The following PDE7A variants were observed in gnomAD, a reference collection of about 807,000 sequenced individuals.
PDE7A encodes the protein phosphodiesterase 7A, also known as high affinity 3',5'-cyclic-AMP phosphodiesterase 7A.
PDE7A carries 39 observed loss-of-function variants against 64.3 expected under a neutral mutation model. The ratio of observed to expected loss-of-function variants is 0.61; its 90% CI spans 0.47 to 0.79. The LOEUF (loss-of-function observed/expected upper bound fraction) is 0.79, where lower values mean the gene tolerates loss of function less well. Ranked by LOEUF, PDE7A falls within the 30% of genes least tolerant of loss-of-function variation. PDE7A has a pLI of 0.00. For synonymous variants in PDE7A, 203 were observed against 206.8 expected, an observed-to-expected ratio of 0.98 and a Z score of 0.16; for missense variants, 470 against 582.8, an observed-to-expected ratio of 0.81 and a Z score of 1.99.
rs573961941 is a variant in PDE7A, at chr8:65,724,356, C to A, written c.1066-5G>T. The A allele has an allele frequency of 1.3e-6, 2 of 1,597,880 alleles. No homozygotes were observed. The highest frequency in any genetic ancestry group is 1.7e-6 in the Non-Finnish European group (2 of 1,166,172). On this transcript the variant is annotated splice_polypyrimidine_tract_variant and splice_region_variant and intron_variant, in intron 10 of 12. Transcript: ENST00000401827. ...ATCAGCACATTTCAAAGCCATCTAG[C>A]AAACAAAACATTAATATTGTTTTAA...
At chr8:65,821,515 A>G (rs917801807) in intron 1 of PDE7A, among the ~76,000 whole-genome samples, 9 of 152,190 alleles carry the variant, frequency 5.9e-5, no homozygotes, top group African/African-American at 2.2e-4. Flanking sequence ...ATATTCCCCA[A>G]CGATTAAACT....
At chr8:65,822,877 T>C (rs1810576394) in intron 1 of PDE7A, among the ~76,000 whole-genome samples, 1 of 152,162 alleles carries the variant, frequency 6.6e-6, no homozygotes. Context: ...CATAGTAATT[T>C]AACAGATTAT....
intron 1 of PDE7A, among the ~76,000 whole-genome samples, chr8:65,825,676 A>T (rs1210173754): frequency 6.6e-6 from 1 of 152,246 alleles, no homozygotes; most frequent in African/African-American, 2.4e-5. Context: ...TTTGGGATTC[A>T]TCCAAAGGAA....
chr8:65,764,200 G>A (rs1358286857), intron 3 of PDE7A, among the ~76,000 whole-genome samples: 1 of 151,910 alleles, frequency 6.6e-6, no homozygotes, highest in Non-Finnish European at 1.5e-5. Flanking sequence ...AGGGACATGG[G>A]ATTATTGTTT....
intron 3 of PDE7A, among the ~76,000 whole-genome samples, chr8:65,751,555 C>T (rs975235981): frequency 2.6e-5 from 4 of 151,896 alleles, no homozygotes; most frequent in Admixed American, 2.6e-4. Context: ...TGCAATGGTG[C>T]GATATCGGCT....
At position 65,735,465 on chromosome 8, in the gene PDE7A, T is replaced by C. The variant is rs562838710; in HGVS notation, c.596-571A>G. Reference sequence around the variant, plus strand: ...TTGGAACCACAGGTGCATGCCACCATGTCTGGCTCATTTTTTTGTATTTTT... The same window carrying C: ...TTGGAACCACAGGTGCATGCCACCACGTCTGGCTCATTTTTTTGTATTTTT... On this transcript the variant is annotated intron_variant, in intron 6 of 12. Transcript: ENST00000401827. Among the ~76,000 whole-genome samples, 3 of 152,138 alleles carry C rather than the reference T, an allele frequency of 2.0e-5. No homozygotes were observed. The South Asian group carries it at 6.2e-4, about 32-fold the overall frequency.
At chr8:65,763,894 G>A (rs1467966590) in intron 3 of PDE7A, among the ~76,000 whole-genome samples, 1 of 152,106 alleles carries the variant, frequency 6.6e-6, no homozygotes, top group Non-Finnish European at 1.5e-5. Context: ...AATACGTATC[G>A]GTCAATTTCC....
chr8:65,730,171 C>CTTTTTTTTTTTTTTTTTTTTGTTTTTT (rs1806801575), intron 7 of PDE7A, among the ~76,000 whole-genome samples: 1 of 86,434 alleles, frequency 1.2e-5, no homozygotes, highest in Non-Finnish European at 2.1e-5. Context: ...TTGCGCACTT[C>CTTTTTTTTTTTTTTTTTTTTGTTTTTT]TTTTTTTTTT....
At chr8:65,801,142 C>T (rs1219299202) in intron 1 of PDE7A, among the ~76,000 whole-genome samples, 6 of 151,844 alleles carry the variant, frequency 4.0e-5, no homozygotes, top group African/African-American at 1.2e-4. Flanking sequence ...CCCCCAAAGG[C>T]GACAAAAAAT....
chr8:65,829,120 A>G (rs1459755317), intron 1 of PDE7A, among the ~76,000 whole-genome samples: 2 of 152,172 alleles, frequency 1.3e-5, no homozygotes, highest in African/African-American at 4.8e-5. Flanking sequence ...TTACTAAAAA[A>G]TTCCACTACT....
At position 65,773,455 on chromosome 8, in the gene PDE7A, G is replaced by A. The variant is rs376245221; in HGVS notation, c.283+6265C>T. On this transcript the variant is annotated intron_variant, in intron 3 of 12. Coordinates refer to ENST00000401827, the MANE Select transcript of PDE7A (RefSeq NM_001242318.3). The stretch of plus-strand genomic sequence containing the variant: ...AGGATAATCTGCTGCTCTTAACACT[G>A]AGCTGCCTCCAGTGTTCTAAATACC... 3.3e-5 allele frequency among the ~76,000 whole-genome samples: 5 copies of A among 152,242 alleles called. No homozygotes were observed. In the East Asian group the frequency reaches 7.7e-4, roughly 23 times the overall value.
At chr8:65,768,498 T>C (rs1027167086) in intron 3 of PDE7A, among the ~76,000 whole-genome samples, 1 of 152,200 alleles carries the variant, frequency 6.6e-6, no homozygotes, top group African/African-American at 2.4e-5. Context: ...GATGTGCCTT[T>C]CACCTTCGGC....
chr8:65,766,721 A>G lies in PDE7A; in HGVS notation c.283+12999T>C, dbSNP rs529168709. Among the ~76,000 whole-genome samples the G allele has an allele frequency of 2.0e-5, 3 of 152,268 alleles. No individual in the cohort carries two copies. In the South Asian group the frequency reaches 6.2e-4, roughly 32 times the overall value. On this transcript the variant is annotated intron_variant, in intron 3 of 12. Coordinates refer to ENST00000401827, the MANE Select transcript of PDE7A (RefSeq NM_001242318.3). The stretch of plus-strand genomic sequence containing the variant: ...TTGGGGCTACCCATTGCTCATTGTT[A>G]TTAAGTGCCTCAAACTTAAATTTTC...
At chr8:65,779,913 T>TG (rs1212938656) in intron 2 of PDE7A, 110 bp from the exon 3 acceptor site, 3 of 557,946 alleles carry the variant, frequency 5.4e-6, no homozygotes, top group Non-Finnish European at 9.4e-6. Flanking sequence ...AACAGCCCAC[T>TG]GATCATATAT....
At chr8:65,789,313 C>T (rs1266846357) in intron 1 of PDE7A, among the ~76,000 whole-genome samples, 5 of 152,178 alleles carry the variant, frequency 3.3e-5, no homozygotes, top group Non-Finnish European at 7.3e-5. Context: ...TAACAGAGTG[C>T]CTTAAAACAA....
At chr8:65,724,204 T>TA (rs565301886) in intron 11 of PDE7A, 51 bp downstream of exon 11, 619 of 1,137,440 alleles carry the variant, frequency 5.4e-4, no homozygotes, top group Admixed American at 1.6e-3. Context: ...CTTACGATGT[T>TA]AAAAAAAAAT....
chr8:65,780,897 T>A (rs1809397092), intron 2 of PDE7A: 1 of 152,244 alleles, frequency 6.6e-6, no homozygotes, highest in Admixed American at 6.5e-5. Context: ...TCATCGACTA[T>A]AATTCCATCC....
chr8:65,794,015 C>T (rs531513815), intron 1 of PDE7A, among the ~76,000 whole-genome samples: 1 of 152,290 alleles, frequency 6.6e-6, no homozygotes, highest in East Asian at 1.9e-4. Context: ...AATTCTAAGG[C>T]TCTACAGTAA....
chr8:65,744,601 C>T (rs1224477007), intron 5 of PDE7A, among the ~76,000 whole-genome samples: 2 of 152,306 alleles, frequency 1.3e-5, no homozygotes, highest in East Asian at 3.9e-4. Context: ...CTTAAAGAAG[C>T]TACAGCTCTT....
Sources: allele counts gnomAD v4.1 joint callset (sites outside exome capture counted in the v4.1 genomes callset), GRCh38; gene constraint gnomAD v4.1.1; transcripts MANE v1.5; gene names NCBI Gene and HGNC (gene_info 2026-07-23, HGNC 2026-07-21).